Variants in NUP35 observed in about 807,000 individuals in gnomAD.
The protein encoded by NUP35 is nucleoporin 35.
In NUP35, 25 loss-of-function variants were observed where a neutral mutation model predicts 41.5. The observed-to-expected ratio is 0.60, with a 90% CI of 0.44 to 0.84. NUP35 has a LOEUF of 0.84. NUP35 is among the 40% of genes least tolerant of loss of function. The pLI, the probability that NUP35 is intolerant of heterozygous loss-of-function variation, is 0.00. For synonymous variants in NUP35, 149 were observed against 130.7 expected, an observed-to-expected ratio of 1.14 and a Z score of -0.96; for missense variants, 396 against 396.6, an observed-to-expected ratio of 1.00 and a Z score of 0.01.
At chr2:183,143,315 A>C (rs1685168267) in intron 4 of NUP35, among the ~76,000 whole-genome samples, 1 of 149,284 alleles carries the variant, frequency 6.7e-6, no homozygotes, top group Non-Finnish European at 1.5e-5. Flanking sequence ...ATTGCTGGTG[A>C]GCAAATATTT....
chr2:183,119,371 T>C (rs1365621552), intron 1 of NUP35, among the ~76,000 whole-genome samples: 1 of 152,092 alleles, frequency 6.6e-6, no homozygotes, highest in East Asian at 1.9e-4. Context: ...AAAATCCATC[T>C]AGTGGGGCTG....
chr2:183,154,636 A>G (rs1416454751), intron 5 of NUP35, among the ~76,000 whole-genome samples: 1 of 152,186 alleles, frequency 6.6e-6, no homozygotes, highest in African/African-American at 2.4e-5. Context: ...TCATATCACT[A>G]TCAGCATTTT....
chr2:183,122,000 G>C (rs1313511881), upstream of NUP35, among the ~76,000 whole-genome samples: 1 of 150,166 alleles, frequency 6.7e-6, no homozygotes, highest in Non-Finnish European at 1.5e-5. Flanking sequence ...ATGTGTAAAG[G>C]CCATTCTTAA....
At chr2:183,138,424 T>C (rs969736201) in intron 4 of NUP35, among the ~76,000 whole-genome samples, 6 of 151,838 alleles carry the variant, frequency 4.0e-5, no homozygotes, top group African/African-American at 1.5e-4. Flanking sequence ...GTTTTTTGCA[T>C]CCAATAAAGA....
intron 4 of NUP35, among the ~76,000 whole-genome samples, chr2:183,147,930 A>G (rs966089059): frequency 2.1e-5 from 3 of 141,876 alleles, no homozygotes; most frequent in African/African-American, 7.9e-5. Context: ...TTTTTTTTTG[A>G]TATGTGGCTA....
intron 3 of NUP35, chr2:183,130,855 CTGAT>C (rs1684673037): frequency 1.3e-6 from 1 of 759,578 alleles, no homozygotes; most frequent in South Asian, 3.1e-5. Flanking sequence ...TTAAATCATT[CTGAT>C]TGTTTAAGAA....
intron 4 of NUP35, among the ~76,000 whole-genome samples, chr2:183,135,676 A>G (rs542864797): frequency 2.0e-5 from 3 of 152,286 alleles, no homozygotes; most frequent in East Asian, 3.9e-4. Flanking sequence ...TAACAGGGAA[A>G]GATGGAACAT....
chr2:183,159,664 A>T lies in NUP35; in HGVS notation c.903+12A>T, dbSNP rs756624981. The stretch of plus-strand genomic sequence containing the variant: ...CTAGTGATTATCAGGTATTTTAAGG[A>T]TTGGATAAAAAAAGATGTACTTTAA... On this transcript the variant is annotated intron_variant, in intron 8 of 8. Transcript: ENST00000295119. 1 of 1,604,870 alleles carries T rather than the reference A, an allele frequency of 6.2e-7. No individual in the cohort carries two copies. Among genetic ancestry groups the T allele is most frequent in the East Asian group, 2.2e-5 (1 of 44,716 alleles).
chr2:183,148,634 T>C (rs35661877), intron 4 of NUP35, among the ~76,000 whole-genome samples: 1 of 151,896 alleles, frequency 6.6e-6, no homozygotes, highest in Non-Finnish European at 1.5e-5. Context: ...CCCACTTCTT[T>C]AACAGGTTAT....
At chr2:183,123,695 C>A, upstream of NUP35, 3 of 601,460 alleles carry the variant, frequency 5.0e-6, no homozygotes, top group Middle Eastern at 8.3e-4. Context: ...TTTACACACA[C>A]ATATGCAGAA....
At chr2:183,152,192 T>C (rs1055542690) in intron 5 of NUP35, among the ~76,000 whole-genome samples, 2 of 77,734 alleles carry the variant, frequency 2.6e-5, no homozygotes, top group Non-Finnish European at 5.5e-5. Context: ...CCACAAAGTA[T>C]TGAATATTAA....
chr2:183,119,507 A>G (rs1001178491), upstream of NUP35, among the ~76,000 whole-genome samples: 1 of 152,164 alleles, frequency 6.6e-6, no homozygotes, highest in Non-Finnish European at 1.5e-5. Flanking sequence ...CTTGAAAGAA[A>G]CACAAGACTT....
intron 4 of NUP35, among the ~76,000 whole-genome samples, chr2:183,149,187 A>G (rs1333723105): frequency 6.6e-6 from 1 of 152,184 alleles, no homozygotes; most frequent in Non-Finnish European, 1.5e-5. Context: ...GACCTGTAGA[A>G]CAGTGGTTCT....
At position 183,133,471 on chromosome 2, in the gene NUP35, G is replaced by A. The variant is rs1279683368; in HGVS notation, c.340-95G>A. 7.3e-6 allele frequency: 7 copies of A among 952,418 alleles called. No homozygotes were observed. The Admixed American group carries it at 7.5e-5, about 10-fold the overall frequency. 59.0% of individuals were successfully genotyped at this position (952,418 alleles called of 1,614,324 possible). A position where few individuals can be genotyped will look rare whatever the true frequency, so the allele number is the denominator to read the frequency against. ...CTAATTAGAGGCATCTCTAGCACAT[G>A]ATAAAAATTCAGTTATCCATTGAAT... On this transcript the variant is annotated intron_variant, in intron 3 of 8. Transcript: ENST00000295119.
In NUP35 at chr2:183,129,684, A is replaced by G. The variant is rs920244719; in HGVS notation, c.212-734A>G. 5.3e-5 allele frequency among the ~76,000 whole-genome samples: 8 copies of G among 152,314 alleles called. No homozygotes were observed. In the East Asian group the frequency reaches 7.7e-4, roughly 15 times the overall value. On this transcript the variant is annotated intron_variant, in intron 2 of 8. Coordinates refer to ENST00000295119, the MANE Select transcript of NUP35 (RefSeq NM_138285.5). ...AAAGAGAAAACTGAGGCTAAATGCA[A>G]TAAGTAATTTGCTGAAGCTCACTTG...
Position 183,146,887 on chromosome 2 carries a change from C to T in NUP35, c.398-4621C>T, listed in dbSNP as rs114931543. Among the ~76,000 whole-genome samples, 371 of 152,148 alleles carry T rather than the reference C, an allele frequency of 2.4e-3. 3 individuals are homozygous for T. The highest frequency in any genetic ancestry group is 8.3e-3 in the African/African-American group (346 of 41,526). On this transcript the variant is annotated intron_variant, in intron 4 of 8. Coordinates refer to ENST00000295119, the MANE Select transcript of NUP35 (RefSeq NM_138285.5). ...GCTAGGATTCAGATGTGAGCCACTG[C>T]GCTTGGCCTATTTTTTGACTTTTTA...
At position 183,137,162 on chromosome 2, in the gene NUP35, G is replaced by A. The variant is rs143063635; in HGVS notation, c.397+3539G>A. Among the ~76,000 whole-genome samples, 154 of 152,268 alleles carry A rather than the reference G, an allele frequency of 1.0e-3. 3 individuals carry two copies. Among genetic ancestry groups the A allele is most frequent in the Admixed American group, 8.8e-3 (135 of 15,288 alleles). The stretch of plus-strand genomic sequence containing the variant: ...TATGTCATGATCAAACATCTAGAAT[G>A]TCACCCTAGTCTTTTCAGCCATGTA... On this transcript the variant is annotated intron_variant, in intron 4 of 8. Coordinates refer to ENST00000295119, the MANE Select transcript of NUP35 (RefSeq NM_138285.5).
chr2:183,127,561 A>G (rs1684540445), intron 1 of NUP35, among the ~76,000 whole-genome samples: 2 of 152,258 alleles, frequency 1.3e-5, no homozygotes, highest in South Asian at 4.1e-4. Flanking sequence ...TTACGGTTTT[A>G]TCACAATAAT....
intron 5 of NUP35, among the ~76,000 whole-genome samples, chr2:183,155,066 C>G (rs1406139578): frequency 6.6e-6 from 1 of 152,178 alleles, no homozygotes; most frequent in Non-Finnish European, 1.5e-5. Flanking sequence ...GATTCAATTA[C>G]CTCTCTCAGG....
Sources: allele counts gnomAD v4.1 joint callset (sites outside exome capture counted in the v4.1 genomes callset), GRCh38; gene constraint gnomAD v4.1.1; transcripts MANE v1.5; gene names NCBI Gene and HGNC (gene_info 2026-07-23, HGNC 2026-07-21).